Variants in CNTN5 observed in about 807,000 individuals in gnomAD.
CNTN5 encodes the protein contactin 5.
CNTN5 carries 77 observed loss-of-function variants against 129.1 expected under a neutral mutation model. That is an observed-to-expected ratio of 0.60 (90% CI 0.50 to 0.72). CNTN5 has a LOEUF of 0.72. Among genes scored for constraint, CNTN5 ranks in the 30% least tolerant of loss-of-function variants. The pLI, the probability that CNTN5 is intolerant of heterozygous loss-of-function variation, is 0.00. For synonymous variants in CNTN5, 509 were observed against 465.6 expected, an observed-to-expected ratio of 1.09 and a Z score of -1.20; for missense variants, 1,478 against 1,328.8, an observed-to-expected ratio of 1.11 and a Z score of -1.75.
chr11:99,878,488 A>G (rs1484068663), intron 6 of CNTN5, among the ~76,000 whole-genome samples: 1 of 152,242 alleles, frequency 6.6e-6, no homozygotes, highest in Non-Finnish European at 1.5e-5. Context: ...CATTGTAAAA[A>G]AAACTACAGG....
At chr11:99,631,467 T>C (rs1259429714) in intron 3 of CNTN5, among the ~76,000 whole-genome samples, 3 of 152,024 alleles carry the variant, frequency 2.0e-5, no homozygotes, top group African/African-American at 4.8e-5. Flanking sequence ...AAAAACATTA[T>C]TGAAAATAAT....
At chr11:100,300,343 C>T (rs1259172630) in intron 20 of CNTN5, among the ~76,000 whole-genome samples, 3 of 151,328 alleles carry the variant, frequency 2.0e-5, no homozygotes, top group Non-Finnish European at 3.0e-5. Context: ...TTTCAGTTAA[C>T]CTTACAAGTG....
intron 1 of CNTN5, among the ~76,000 whole-genome samples, chr11:99,199,967 ACATCATCATCAT>A (rs147514290): frequency 2.6e-5 from 4 of 151,416 alleles, no homozygotes; most frequent in Non-Finnish European, 5.9e-5. Context: ...ATATCCATCA[ACATCATCATCAT>A]CATCATCATC....
chr11:99,422,395 CA>C (rs1565568955), intron 2 of CNTN5, among the ~76,000 whole-genome samples: 1 of 151,116 alleles, frequency 6.6e-6, no homozygotes, highest in Non-Finnish European at 1.5e-5. Context: ...CACATTATAT[CA>C]GGGGAATCGT....
At chr11:99,989,380 G>A (rs369836870) in intron 8 of CNTN5, among the ~76,000 whole-genome samples, 2 of 151,854 alleles carry the variant, frequency 1.3e-5, no homozygotes, top group African/African-American at 2.4e-5. Flanking sequence ...ATCCTAATTT[G>A]TTGAATATTT....
chr11:99,677,040 T>G (rs749648539), intron 3 of CNTN5, among the ~76,000 whole-genome samples: 2 of 152,066 alleles, frequency 1.3e-5, no homozygotes, highest in Non-Finnish European at 2.9e-5. Context: ...TATCTCCTAC[T>G]CAATAACTAT....
At position 100,341,315 on chromosome 11, in the gene CNTN5, CAG is replaced by C. The variant is rs928367134; in HGVS notation, c.3030+111_3030+112del. The C allele has an allele frequency of 2.1e-5, 16 of 749,038 alleles. No individual in the cohort carries two copies. The African/African-American group carries it at 2.8e-4, about 13-fold the overall frequency. 46.4% of individuals were successfully genotyped at this position (749,038 alleles called of 1,614,324 possible). ...ACCCATTAACCAACCTATTTTTTCT[CAG>C]TCATTTTCTATCTGTATCTTAGAAA... On this transcript the variant is annotated intron_variant, in intron 23 of 24. Coordinates refer to ENST00000524871, the MANE Select transcript of CNTN5 (RefSeq NM_014361.4).
chr11:99,393,746 C>G (rs1565545599), intron 2 of CNTN5, among the ~76,000 whole-genome samples: 1 of 151,612 alleles, frequency 6.6e-6, no homozygotes, highest in Non-Finnish European at 1.5e-5. Flanking sequence ...TGAAAAGAAA[C>G]ATATGAGTTC....
intron 18 of CNTN5, among the ~76,000 whole-genome samples, chr11:100,286,681 C>T (rs1237662): frequency 6.7e-6 from 1 of 149,958 alleles, no homozygotes; most frequent in African/African-American, 2.5e-5. Context: ...AAACTGGAAA[C>T]TCTAAAAAGC....
At chr11:100,121,820 A>C (rs1946033759) in intron 13 of CNTN5, among the ~76,000 whole-genome samples, 1 of 151,934 alleles carries the variant, frequency 6.6e-6, no homozygotes, top group Non-Finnish European at 1.5e-5. Flanking sequence ...TAGTAAGCAA[A>C]ATAGAGGAAA....
At chr11:99,095,343 G>A (rs1207144819) in intron 1 of CNTN5, among the ~76,000 whole-genome samples, 2 of 151,846 alleles carry the variant, frequency 1.3e-5, no homozygotes, top group Non-Finnish European at 2.9e-5. Flanking sequence ...TCTTGCCCCT[G>A]TAAATTAGAG....
At chr11:100,057,347 T>A (rs1943278475) in intron 9 of CNTN5, among the ~76,000 whole-genome samples, 1 of 150,848 alleles carries the variant, frequency 6.6e-6, no homozygotes, top group African/African-American at 2.4e-5. Flanking sequence ...AAAATGCTTA[T>A]TTTAGAGACC....
At chr11:99,600,481 T>C (rs1361005000) in intron 3 of CNTN5, among the ~76,000 whole-genome samples, 1 of 152,144 alleles carries the variant, frequency 6.6e-6, no homozygotes, top group Non-Finnish European at 1.5e-5. Context: ...AGGACTAACT[T>C]TGCCCACTTC....
intron 1 of CNTN5, among the ~76,000 whole-genome samples, chr11:99,310,828 C>T (rs1228673567): frequency 6.6e-6 from 1 of 151,980 alleles, no homozygotes; most frequent in Non-Finnish European, 1.5e-5. Flanking sequence ...TATTTGGTGA[C>T]TCTCTATTGG....
chr11:99,859,141 C>T (rs1948130748), intron 6 of CNTN5, among the ~76,000 whole-genome samples: 1 of 152,128 alleles, frequency 6.6e-6, no homozygotes, highest in African/African-American at 2.4e-5. Context: ...AGATGTTATG[C>T]ATGTGATTGA....
chr11:100,263,470 C>T (rs1031554869), intron 17 of CNTN5, among the ~76,000 whole-genome samples: 5 of 152,032 alleles, frequency 3.3e-5, no homozygotes, highest in African/African-American at 4.8e-5. Context: ...TATTTAGGCT[C>T]CTGCATTGTT....
In CNTN5 at chr11:99,104,568, G is replaced by A. The variant is rs138293308; in HGVS notation, c.-210+83298G>A. 3.3e-5 allele frequency among the ~76,000 whole-genome samples: 5 copies of A among 151,974 alleles called. No individual in the cohort carries two copies. In the East Asian group the frequency reaches 7.7e-4, roughly 23 times the overall value. ...CACTACAAAAAAAATAAGTAGTTAA[G>A]TGATGGATGTGTTAATTCACCTGAT... On this transcript the variant is annotated intron_variant, in intron 1 of 24. Transcript: ENST00000524871.
At chr11:99,130,111 CA>C (rs774533252) in intron 1 of CNTN5, among the ~76,000 whole-genome samples, 10 of 146,938 alleles carry the variant, frequency 6.8e-5, no homozygotes, top group Non-Finnish European at 1.3e-4. Flanking sequence ...TCAAAGGTAA[CA>C]ATATTAACTT....
At position 99,977,933 on chromosome 11, in the gene CNTN5, C is replaced by T. The variant is rs533519593; in HGVS notation, c.877+20924C>T. Among the ~76,000 whole-genome samples the T allele has an allele frequency of 3.9e-5, 6 of 152,276 alleles. No individual in the cohort carries two copies. The South Asian group carries it at 6.2e-4, about 16-fold the overall frequency. ...AAATAAGGTTCAACAATGAGAATTT[C>T]AGTGCAGTAATTTCACTTTACTGTA... On this transcript the variant is annotated intron_variant, in intron 8 of 24. Coordinates refer to ENST00000524871, the MANE Select transcript of CNTN5 (RefSeq NM_014361.4).
Sources: allele counts gnomAD v4.1 joint callset (sites outside exome capture counted in the v4.1 genomes callset), GRCh38; gene constraint gnomAD v4.1.1; transcripts MANE v1.5; gene names NCBI Gene and HGNC (gene_info 2026-07-23, HGNC 2026-07-21).